The following PCNX1 variants were observed in gnomAD, a reference collection of about 807,000 sequenced individuals.
PCNX1 encodes pecanex 1, also known as pecanex-like protein 1.
PCNX1 carries 78 observed loss-of-function variants against 242.2 expected under a neutral mutation model. That is an observed-to-expected ratio of 0.32 (90% CI 0.27 to 0.39). The LOEUF is 0.39. Ranked by LOEUF, PCNX1 falls within the 10% of genes least tolerant of loss-of-function variation. The probability of loss-of-function intolerance (pLI) is 1.00; values close to 1 mark genes in which losing one functional copy is unlikely to be tolerated. For missense variants in PCNX1, 2,581 were observed against 2,856.5 expected (o/e 0.90, Z 2.20); for synonymous variants, 1,024 against 1,032.9 (o/e 0.99, Z 0.17).
In PCNX1 at chr14:70,977,324, G is replaced by C. The variant is rs192013355; in HGVS notation, c.987G>C (p.Leu329Phe). 52 of 1,614,172 alleles carry C rather than the reference G, an allele frequency of 3.2e-5. No homozygotes were observed. In the East Asian group the frequency reaches 7.8e-4, roughly 24 times the overall value. Residue 329 changes from leucine (L) to phenylalanine (F), a missense_variant, in exon 6 of 36, where the codon TTG (leucine) becomes TTC (phenylalanine). Around this residue, in one of 9 missense-constraint regions of PCNX1, gnomAD observed 1,204 missense variants for 1,216.7 expected, o/e 0.99. Transcript: ENST00000304743. ...CTCTTTCTGGATCCAAAGAATCCTT[G>C]GTGGAAAATTCTGGTTTATCTGGGG... ...SKPLSGSKES[L>F]VENSGLSGEF... is the part of the protein sequence containing the mutation.
intron 1 of PCNX1, among the ~76,000 whole-genome samples, chr14:70,943,567 G>C (rs931589693): frequency 6.6e-6 from 1 of 152,150 alleles, no homozygotes; most frequent in Non-Finnish European, 1.5e-5. Flanking sequence ...GAGCATAAAA[G>C]TTTGGAAAAT....
chr14:70,996,263 CTT>C (rs1212057661), intron 8 of PCNX1, among the ~76,000 whole-genome samples: 1 of 151,948 alleles, frequency 6.6e-6, no homozygotes, highest in Non-Finnish European at 1.5e-5. Context: ...TCTTACTAAA[CTT>C]TAATTTCTTT....
At chr14:71,051,189 AAAAAAAAAAT>A (rs1418105541) in intron 23 of PCNX1, among the ~76,000 whole-genome samples, 4 of 150,462 alleles carry the variant, frequency 2.7e-5, no homozygotes, top group Non-Finnish European at 5.9e-5. Context: ...AAAAAAAAAA[AAAAAAAAAAT>A]CATAACCTTT....
intron 1 of PCNX1, among the ~76,000 whole-genome samples, chr14:70,940,083 A>G (rs1405818766): frequency 1.3e-5 from 2 of 152,080 alleles, no homozygotes; most frequent in Admixed American, 6.6e-5. Context: ...CTCTTTATCC[A>G]ATTTGCCAGT....
intron 24 of PCNX1, among the ~76,000 whole-genome samples, chr14:71,053,066 C>T (rs1000500107): frequency 4.6e-5 from 7 of 152,108 alleles, no homozygotes; most frequent in Non-Finnish European, 8.8e-5. Flanking sequence ...TGTAATCTCA[C>T]CTTTTAAACA....
chr14:71,031,787 G>T (rs2060392239), intron 16 of PCNX1: 10 of 1,463,126 alleles, frequency 6.8e-6, no homozygotes, highest in Non-Finnish European at 9.6e-6. Flanking sequence ...TCCTACCAGT[G>T]CAGGGAGCCC....
At chr14:71,087,427 A>T (rs2062022027) in intron 28 of PCNX1, among the ~76,000 whole-genome samples, 1 of 152,230 alleles carries the variant, frequency 6.6e-6, no homozygotes, top group African/African-American at 2.4e-5. Context: ...CCCCTATTGT[A>T]TTTATAAGTT....
intron 7 of PCNX1, among the ~76,000 whole-genome samples, chr14:70,989,157 AATATG>A (rs2059084817): frequency 6.6e-6 from 1 of 152,266 alleles, no homozygotes; most frequent in South Asian, 2.1e-4. Flanking sequence ...ATTTCACTAA[AATATG>A]ATATGATTTA....
At chr14:71,016,216 C>G (rs1254067276) in intron 11 of PCNX1, among the ~76,000 whole-genome samples, 1 of 152,074 alleles carries the variant, frequency 6.6e-6, no homozygotes, top group African/African-American at 2.4e-5. Flanking sequence ...TTTAACAGTC[C>G]TAAATGTTTG....
chr14:70,977,579 G>T lies in PCNX1; in HGVS notation c.1242G>T (p.Leu414=). The T allele has an allele frequency of 1.2e-6, 2 of 1,614,228 alleles. No individual in the cohort carries two copies. Among genetic ancestry groups the T allele is most frequent in the East Asian group, 4.5e-5 (2 of 44,876 alleles). The change falls in exon 6 of 36, where the codon CTG becomes CTT. Residue 414 remains leucine, a synonymous_variant. Transcript: ENST00000304743. ...QTSSTHIESI[L]SEHEESPKAG... is the part of the protein sequence containing the mutation. Reference sequence around the variant, plus strand: ...GCTCAACTCACATAGAGAGCATCCTGTCAGAGCATGAGGAGTCTCCTAAAG... The same window carrying T: ...GCTCAACTCACATAGAGAGCATCCTTTCAGAGCATGAGGAGTCTCCTAAAG...
chr14:71,088,893 A>C (rs987250691), intron 29 of PCNX1, among the ~76,000 whole-genome samples: 2 of 152,034 alleles, frequency 1.3e-5, no homozygotes, highest in Admixed American at 6.5e-5. Context: ...CATATTTTAA[A>C]TTTTTTTCTG....
chr14:71,029,180 T>G (rs1217390169), intron 16 of PCNX1, among the ~76,000 whole-genome samples: 3 of 152,114 alleles, frequency 2.0e-5, no homozygotes, highest in Non-Finnish European at 4.4e-5. Context: ...GACTGCAATT[T>G]AAGATACATG....
At chr14:70,908,072 C>G in intron 1 of PCNX1, 69 bp downstream of exon 1, 1 of 1,408,942 alleles carries the variant, frequency 7.1e-7, no homozygotes, top group Non-Finnish European at 9.4e-7. Context: ...GGGGTCGCGC[C>G]CTCTTCCTCT....
chr14:71,114,137 GTT>G lies in PCNX1; in HGVS notation c.*4204_*4205del, dbSNP rs2062808472. 6.6e-6 allele frequency: 1 copy of G among 152,120 alleles called. No homozygotes were observed. Among genetic ancestry groups the G allele is most frequent in the South Asian group, 2.1e-4 (1 of 4,826 alleles). The allele number at this position is 152,120 out of a possible 1,614,324, so 9.4% of individuals were successfully genotyped here. The stretch of plus-strand genomic sequence containing the variant: ...TCTGTTTCAGTCTTACATGGATATT[GTT>G]TCATTGGTGTTGAGGAAGAAAAAAA... On this transcript the variant is annotated 3_prime_UTR_variant, in exon 36 of 36. Transcript: ENST00000304743.
chr14:71,013,217 T>C lies in PCNX1; in HGVS notation c.2996+15T>C. On this transcript the variant is annotated intron_variant, in intron 11 of 35. Transcript: ENST00000304743. ...CTGTTTGATAGGTGAGATTATAGTG[T>C]GATATTAATGATACGTGTGGATTTT... The C allele has an allele frequency of 6.6e-7, 1 of 1,508,410 alleles. No homozygotes were observed. 93.4% of individuals were successfully genotyped at this position (1,508,410 alleles called of 1,614,324 possible).
intron 1 of PCNX1, among the ~76,000 whole-genome samples, chr14:70,911,517 C>CT (rs1252860083): frequency 1.3e-5 from 2 of 151,956 alleles, no homozygotes; most frequent in African/African-American, 4.8e-5. Flanking sequence ...GGTACTCATT[C>CT]TTTTTTATCT....
At chr14:71,021,513 A>G (rs1298216834) in intron 12 of PCNX1, among the ~76,000 whole-genome samples, 1 of 152,154 alleles carries the variant, frequency 6.6e-6, no homozygotes, top group Non-Finnish European at 1.5e-5. Context: ...TGTTTTTACT[A>G]ACAGCTGTCC....
chr14:70,999,935 G>A (rs190976851), intron 8 of PCNX1, among the ~76,000 whole-genome samples: 30 of 152,170 alleles, frequency 2.0e-4, no homozygotes, highest in African/African-American at 7.2e-4. Flanking sequence ...CAGAGTCAGA[G>A]GACTGTAAGG....
At chr14:70,962,121 C>T in intron 2 of PCNX1, 105 bp from the exon 3 acceptor site, 1 of 707,680 alleles carries the variant, frequency 1.4e-6, no homozygotes, top group Non-Finnish European at 2.5e-6. Flanking sequence ...AAAATCAGAA[C>T]CTCTTAGTTT....
Sources: allele counts gnomAD v4.1 joint callset (sites outside exome capture counted in the v4.1 genomes callset), GRCh38; gene constraint gnomAD v4.1.1; regional missense constraint gnomAD v4.1.1; transcripts MANE v1.5; gene names NCBI Gene and HGNC (gene_info 2026-07-23, HGNC 2026-07-21).